Variants in DNAH5 observed in about 807,000 individuals in gnomAD.
DNAH5 encodes the protein dynein axonemal heavy chain 5, also known as axonemal beta dynein heavy chain 5.
Under a neutral mutation model 518.2 loss-of-function variants are expected in DNAH5, and 372 were observed. The observed-to-expected ratio is 0.72, with a 90% CI of 0.66 to 0.78. DNAH5 has a LOEUF of 0.78. Among genes scored for constraint, DNAH5 ranks in the 30% least tolerant of loss-of-function variants. The probability of loss-of-function intolerance (pLI) is 0.00; values close to 1 mark genes in which losing one functional copy is unlikely to be tolerated. For synonymous variants in DNAH5, 2,039 were observed against 2,025.9 expected (o/e 1.01, Z -0.17); for missense variants, 5,523 against 5,687.0 (o/e 0.97, Z 0.93).
chr5:13,775,126 CCTTTTTGT>C (rs1371295333), intron 55 of DNAH5, among the ~76,000 whole-genome samples: 1 of 99,276 alleles, frequency 1.0e-5, no homozygotes, highest in East Asian at 3.1e-4. Flanking sequence ...GAGCTACACT[CCTTTTTGT>C]TTTTTTTTTT....
rs762124795 is a variant in DNAH5, at chr5:13,871,754, T to A, written c.3408A>T (p.Thr1136=). The change falls in exon 23 of 79, where the codon ACA becomes ACT. Residue 1136 remains threonine, a synonymous_variant. Coordinates refer to ENST00000265104, the MANE Select transcript of DNAH5 (RefSeq NM_001369.3). ...IINSTKKEVI[T]SMDCFKRYNH... is the part of the protein sequence containing the mutation. Reference sequence around the variant, plus strand: ...TGTAGCGTTTGAAGCAATCCATGGATGTAATAACTTCCTGAATGCAAATAA... The same window carrying A: ...TGTAGCGTTTGAAGCAATCCATGGAAGTAATAACTTCCTGAATGCAAATAA... 1.2e-6 allele frequency: 2 copies of A among 1,613,316 alleles called. No homozygotes were observed. Among genetic ancestry groups the A allele is most frequent in the South Asian group, 1.1e-5 (1 of 91,066 alleles).
At chr5:13,721,861 G>GA (rs200660870) in intron 70 of DNAH5, among the ~76,000 whole-genome samples, 1 of 151,956 alleles carries the variant, frequency 6.6e-6, no homozygotes, top group African/African-American at 2.4e-5. Flanking sequence ...TACAACCATA[G>GA]AAAAAAATTA....
intron 65 of DNAH5, among the ~76,000 whole-genome samples, chr5:13,741,855 T>C (rs1257178343): frequency 6.6e-6 from 1 of 152,150 alleles, no homozygotes; most frequent in East Asian, 1.9e-4. Context: ...ACATTTGCCA[T>C]GTTTTAAAAC....
chr5:13,820,105 A>G (rs1237765069), intron 41 of DNAH5, among the ~76,000 whole-genome samples: 1 of 152,206 alleles, frequency 6.6e-6, no homozygotes, highest in Non-Finnish European at 1.5e-5. Context: ...TGAAAATCAA[A>G]TTACATAACA....
intron 65 of DNAH5, among the ~76,000 whole-genome samples, chr5:13,743,782 G>C (rs1235708560): frequency 6.6e-6 from 1 of 152,038 alleles, no homozygotes; most frequent in East Asian, 1.9e-4. Context: ...AGCTGGGTTG[G>C]CGATTATCAA....
Position 13,917,327 on chromosome 5 carries a change from A to G in DNAH5, c.976-71T>C, listed in dbSNP as rs543102122. ...GGAACTTCCAACACAACCACTGCTA[A>G]GAGTCACCACAAGTCCATTAGGCGA... On this transcript the variant is annotated intron_variant, in intron 7 of 78. Transcript: ENST00000265104. The G allele has an allele frequency of 9.8e-6, 11 of 1,127,402 alleles. No homozygotes were observed. In the African/African-American group the frequency reaches 1.1e-4, roughly 11 times the overall value. 69.8% of individuals were successfully genotyped at this position (1,127,402 alleles called of 1,614,324 possible). A position where few individuals can be genotyped will look rare whatever the true frequency, so the allele number is the denominator to read the frequency against.
intron 15 of DNAH5, among the ~76,000 whole-genome samples, chr5:13,895,680 T>C (rs2151954654): frequency 6.6e-6 from 1 of 152,208 alleles, no homozygotes; most frequent in Middle Eastern, 3.4e-3. Context: ...TTCATCCAGA[T>C]GCCAGAAACA....
Position 13,920,509 on chromosome 5 carries a change from T to G in DNAH5, c.769A>C (p.Met257Leu), listed in dbSNP as rs759576627. The part of the protein sequence containing the change: ...PETLGKIEDC[M>L]KVWIKQTEQV... ...TCTGTCTGTTTGATCCATACTTTCA[T>G]GCAATCCTCTATTTTTCCCAAAGTC... The change falls in exon 6 of 79, where the codon ATG becomes CTG. Residue 257 changes from methionine to leucine, a missense_variant. Met to Leu is a conservative substitution (Grantham distance 15). Transcript: ENST00000265104. 1 of 1,614,226 alleles carries G rather than the reference T, an allele frequency of 6.2e-7. No homozygotes were observed. The highest frequency in any genetic ancestry group is 8.5e-7 in the Non-Finnish European group (1 of 1,180,026).
intron 1 of DNAH5, among the ~76,000 whole-genome samples, chr5:13,999,996 C>A: frequency 6.6e-6 from 1 of 152,318 alleles, no homozygotes; most frequent in East Asian, 1.9e-4. Context: ...AGAGAAATTA[C>A]TGATAATAGG....
At chr5:13,955,302 G>A (rs115600111) in intron 1 of DNAH5, among the ~76,000 whole-genome samples, 2,201 of 152,114 alleles carry the variant, frequency 0.014, 45 homozygotes, top group African/African-American at 0.05. Context: ...CTCCCCAACC[G>A]TGCTTCCTGT....
intron 41 of DNAH5, 116 bp downstream of exon 41, chr5:13,820,230 A>G: frequency 9.4e-7 from 1 of 1,066,978 alleles, no homozygotes; most frequent in Non-Finnish European, 1.4e-6. Context: ...ATAAAGCAGT[A>G]TTTCCTCCTA....
intron 47 of DNAH5, among the ~76,000 whole-genome samples, chr5:13,795,166 C>T (rs1757634419): frequency 6.6e-6 from 1 of 152,050 alleles, no homozygotes; most frequent in Non-Finnish European, 1.5e-5. Flanking sequence ...CAAACAAATT[C>T]AAAAGCTAGC....
rs754640209 is a variant in DNAH5 at position 13,885,001 on chromosome 5, T to C, written c.2971A>G (p.Ile991Val). ...IRKRIHSSHTINFRDSNSASN... is the reference protein window; with the variant it reads ...IRKRIHSSHTVNFRDSNSASN... ...ACAAGATTATTACCCCGGAAGTTAA[T>C]TGTGTGAGAGGAATGAATACGTTTG... Residue 991 changes from isoleucine (I) to valine (V), a missense_variant, in exon 19 of 79, where the codon ATT (isoleucine) becomes GTT (valine). Around this residue, in one of 3 missense-constraint regions of DNAH5, gnomAD observed 5,121 missense variants for 5,223.3 expected, o/e 0.98. Coordinates refer to ENST00000265104, the MANE Select transcript of DNAH5 (RefSeq NM_001369.3). The C allele has an allele frequency of 9.9e-6, 16 of 1,614,142 alleles. No homozygotes were observed. The highest frequency in any genetic ancestry group is 4.5e-5 in the East Asian group (2 of 44,872).
intron 15 of DNAH5, chr5:13,897,569 A>T (rs1774062154): frequency 6.6e-6 from 1 of 152,228 alleles, no homozygotes; most frequent in South Asian, 2.1e-4. Context: ...TGAAGAAACA[A>T]ATTCTCAGCT....
chr5:13,847,050 G>A (rs1280906696), intron 31 of DNAH5, among the ~76,000 whole-genome samples: 1 of 152,122 alleles, frequency 6.6e-6, no homozygotes. Flanking sequence ...GACCAGTATG[G>A]AAGGAGGCTG....
At chr5:13,971,987 G>A in intron 1 of DNAH5, among the ~76,000 whole-genome samples, 1 of 152,110 alleles carries the variant, frequency 6.6e-6, no homozygotes. Context: ...CCTTGGGCAG[G>A]GCTTGCTGTG....
chr5:13,801,858 A>G (rs530182451), intron 47 of DNAH5, among the ~76,000 whole-genome samples: 117 of 152,280 alleles, frequency 7.7e-4, no homozygotes, highest in African/African-American at 2.5e-3. Context: ...GTTAAAAAAA[A>G]ACACATAGAC....
Position 13,792,039 on chromosome 5 carries a change from C to A in DNAH5, c.8403G>T (p.Trp2801Cys). Residue 2801 changes from tryptophan to cysteine, a missense_variant, in exon 50 of 79, where the codon TGG (tryptophan) becomes TGT (cysteine). Around this residue, in one of 3 missense-constraint regions of DNAH5, gnomAD observed 5,121 missense variants for 5,223.3 expected, o/e 0.98. Coordinates refer to ENST00000265104, the MANE Select transcript of DNAH5 (RefSeq NM_001369.3). The part of the protein sequence containing the change: ...VFNLRDLSRV[W>C]QGMLNTTSEV... ...CTGAAGTAGTGTTCAGCATTCCCTG[C>A]CAGACCCGAGAAAGATCTCGTAGGT... The A allele has an allele frequency of 6.2e-7, 1 of 1,614,004 alleles. No individual in the cohort carries two copies. The highest frequency in any genetic ancestry group is 8.5e-7 in the Non-Finnish European group (1 of 1,179,962).
At chr5:13,951,600 T>C (rs1780419322) in intron 1 of DNAH5, among the ~76,000 whole-genome samples, 1 of 152,142 alleles carries the variant, frequency 6.6e-6, no homozygotes, top group Non-Finnish European at 1.5e-5. Context: ...TCATAAGTCA[T>C]TACTCATGCC....
Sources: gnomAD v4.1 joint callset for allele counts (sites outside exome capture counted in the v4.1 genomes callset) on GRCh38, gnomAD v4.1.1 for gene constraint, gnomAD v4.1.1 regional missense constraint, MANE v1.5 for transcripts, NCBI Gene and HGNC (gene_info 2026-07-23, HGNC 2026-07-21) for gene names.